SDHAF2: variants seen among roughly 807,000 people sequenced by gnomAD.
SDHAF2 encodes the protein succinate dehydrogenase complex assembly factor 2, also known as succinate dehydrogenase assembly factor 2, mitochondrial.
A neutral mutation model predicts 18.5 loss-of-function variants in SDHAF2; 21 were observed. The observed-to-expected ratio is 1.13, with a 90% CI of 0.80 to 1.63. The LOEUF is 1.63. SDHAF2 is among the 40% of genes most tolerant of loss of function. The pLI is 0.00. For missense variants in SDHAF2, 195 were observed against 200.3 expected, an observed-to-expected ratio of 0.97 and a Z score of 0.16; for synonymous variants, 84 against 70.7, an observed-to-expected ratio of 1.19 and a Z score of -0.94.
intron 3 of SDHAF2, among the ~76,000 whole-genome samples, chr11:61,440,926 A>G (rs1862058107): frequency 6.6e-6 from 1 of 152,128 alleles, no homozygotes; most frequent in Admixed American, 6.5e-5. Context: ...TCTTGGCTGG[A>G]TGCAGTGGCT....
At chr11:61,435,690 A>G (rs1861983810) in intron 1 of SDHAF2, 1 of 152,044 alleles carries the variant, frequency 6.6e-6, no homozygotes, top group African/African-American at 2.4e-5. Flanking sequence ...GTGTCTGCGT[A>G]TGATACTGCA....
At chr11:61,444,306 G>C (rs1862109595) in intron 3 of SDHAF2, 1 of 152,358 alleles carries the variant, frequency 6.6e-6, no homozygotes. Flanking sequence ...TCCCTAAGGA[G>C]GGGTGAACCA....
At chr11:61,442,492 G>C (rs1030162941) in intron 3 of SDHAF2, among the ~76,000 whole-genome samples, 1 of 151,926 alleles carries the variant, frequency 6.6e-6, no homozygotes, top group Non-Finnish European at 1.5e-5. Flanking sequence ...TCAATATTTT[G>C]TCTTTGGTTT....
chr11:61,431,546 A>G (rs973274305), intron 1 of SDHAF2: 1 of 151,992 alleles, frequency 6.6e-6, no homozygotes, highest in Non-Finnish European at 1.5e-5. Context: ...TGTGTTGTTT[A>G]ATTTCCACAT....
In SDHAF2 at chr11:61,445,925, C is replaced by T; in HGVS notation, c.371-16C>T. On this transcript the variant is annotated splice_polypyrimidine_tract_variant and intron_variant, in intron 3 of 3. Coordinates refer to ENST00000301761, the MANE Select transcript of SDHAF2 (RefSeq NM_017841.4). ...TGACTATGGCATAATTTTTTCTGCC[C>T]ACTCTTCTCTTGCAGAAGCTAAACC... 6.2e-7 allele frequency: 1 copy of T among 1,614,080 alleles called. No individual in the cohort carries two copies. The highest frequency in any genetic ancestry group is 8.5e-7 in the Non-Finnish European group (1 of 1,180,008).
Position 61,446,056 on chromosome 11 carries a change from T to C in SDHAF2, c.486T>C (p.Phe162=), listed in dbSNP as rs1419133847. 3 of 1,614,060 alleles carry C rather than the reference T, an allele frequency of 1.9e-6. No individual in the cohort carries two copies. Among genetic ancestry groups the C allele is most frequent in the East Asian group, 2.2e-5 (1 of 44,898 alleles). The change falls in exon 4 of 4, where the codon TTT becomes TTC. Residue 162 remains phenylalanine (F), a synonymous_variant. Transcript: ENST00000301761. ...RLRAPDLEYL[F]EKPR The stretch of plus-strand genomic sequence containing the variant: ...GTGCCCCAGATCTTGAGTACCTCTT[T>C]GAAAAGCCACGTTGAGCTGTGCTCC...
chr11:61,436,455 C>T (rs1861994982), intron 1 of SDHAF2, among the ~76,000 whole-genome samples: 1 of 152,186 alleles, frequency 6.6e-6, no homozygotes, highest in African/African-American at 2.4e-5. Flanking sequence ...TCTAAACTGT[C>T]ACCTTTGTTC....
Position 61,446,249 on chromosome 11 carries a change from C to G in SDHAF2, c.*178C>G. 1 of 700,818 alleles carries G rather than the reference C, an allele frequency of 1.4e-6. No homozygotes were observed. The highest frequency in any genetic ancestry group is 2.5e-6 in the Non-Finnish European group (1 of 396,318). The allele number at this position is 700,818 out of a possible 1,614,324, so 43.4% of individuals were successfully genotyped here. A position where few individuals can be genotyped will look rare whatever the true frequency, so the allele number is the denominator to read the frequency against. ...ACATACATGTAAATGCACAATGTGA[C>G]TCATTCTCATACTTTTTTGTTCAGC... On this transcript the variant is annotated 3_prime_UTR_variant, in exon 4 of 4. Coordinates refer to ENST00000301761, the MANE Select transcript of SDHAF2 (RefSeq NM_017841.4).
chr11:61,435,219 T>C (rs975623188), intron 1 of SDHAF2: 2 of 152,154 alleles, frequency 1.3e-5, no homozygotes, highest in African/African-American at 4.8e-5. Context: ...ACTGTATTCT[T>C]CAGCTCCAAA....
At chr11:61,444,994 T>A (rs7946663) in intron 3 of SDHAF2, among the ~76,000 whole-genome samples, 3,739 of 152,232 alleles carry the variant, frequency 0.025, 166 homozygotes, top group African/African-American at 0.086. Flanking sequence ...CAATATTCTT[T>A]CCAACTTTCT....
intron 1 of SDHAF2, chr11:61,430,443 C>A: frequency 1.8e-6 from 1 of 560,086 alleles, no homozygotes; most frequent in Non-Finnish European, 3.1e-6. Context: ...CACCTACGTC[C>A]CAGGCGGGAT....
intron 1 of SDHAF2, chr11:61,436,764 ATTGG>A: frequency 6.1e-6 from 4 of 656,976 alleles, no homozygotes; most frequent in South Asian, 1.5e-5. Context: ...CTCACAGGGA[ATTGG>A]TTTGTTTGTT....
intron 2 of SDHAF2, 25 bp downstream of exon 2, chr11:61,437,873 T>C (rs1390481129): frequency 6.2e-7 from 1 of 1,605,748 alleles, no homozygotes; most frequent in Non-Finnish European, 8.5e-7. Context: ...GTCTTTTTTT[T>C]TAAATCGGGC....
At chr11:61,442,650 C>T (rs1862083034) in intron 3 of SDHAF2, among the ~76,000 whole-genome samples, 2 of 152,116 alleles carry the variant, frequency 1.3e-5, no homozygotes, top group Middle Eastern at 3.2e-3. Flanking sequence ...TCAGCTGTTA[C>T]CCCTTCAGCT....
chr11:61,437,865 CTT>C lies in SDHAF2; in HGVS notation c.260+25_260+26del. The C allele has an allele frequency of 6.3e-7, 1 of 1,595,446 alleles. No individual in the cohort carries two copies. On this transcript the variant is annotated intron_variant, in intron 2 of 3. Coordinates refer to ENST00000301761, the MANE Select transcript of SDHAF2 (RefSeq NM_017841.4). ...TCTTCTTAGGTATGGGACTAGGAGT[CTT>C]TTTTTTTAAATCGGGCAGCTTCCTG... is the stretch of plus-strand genomic sequence containing the variant.
intron 1 of SDHAF2, chr11:61,436,860 A>G: frequency 7.8e-7 from 1 of 1,287,770 alleles, no homozygotes; most frequent in Non-Finnish European, 1.0e-6. Flanking sequence ...TGAGGTCACC[A>G]CCTTGACATC....
intron 3 of SDHAF2, 108 bp from the exon 4 acceptor site, chr11:61,445,833 C>G (rs1862130586): frequency 1.6e-6 from 2 of 1,246,220 alleles, no homozygotes; most frequent in African/African-American, 1.5e-5. Context: ...TGGAGACAGT[C>G]TATATATCCA....
At chr11:61,442,508 C>T (rs1346404247) in intron 3 of SDHAF2, among the ~76,000 whole-genome samples, 1 of 152,024 alleles carries the variant, frequency 6.6e-6, no homozygotes, top group Non-Finnish European at 1.5e-5. Context: ...GGTTTCTAGC[C>T]GTTTCAATAT....
At position 61,446,550 on chromosome 11, in the gene SDHAF2, A is replaced by G. The variant is rs747570882; in HGVS notation, c.*479A>G. ...CAACCTGGTATGGCTCCTTCTGCGA[A>G]GGGAAGCTGATCCCAGCCTCCTGAG... On this transcript the variant is annotated 3_prime_UTR_variant, in exon 4 of 4. Transcript: ENST00000301761. 4.0e-4 allele frequency: 185 copies of G among 465,732 alleles called. No individual in the cohort carries two copies. Among genetic ancestry groups the G allele is most frequent in the Non-Finnish European group, 6.2e-4 (166 of 265,818 alleles). 28.8% of individuals were successfully genotyped at this position (465,732 alleles called of 1,614,324 possible).
Sources: gnomAD v4.1 joint callset for allele counts (sites outside exome capture counted in the v4.1 genomes callset) on GRCh38, gnomAD v4.1.1 for gene constraint, MANE v1.5 for transcripts, NCBI Gene and HGNC (gene_info 2026-07-23, HGNC 2026-07-21) for gene names.